DOCK1: variants seen among roughly 807,000 people sequenced by gnomAD.
DOCK1 encodes the protein dedicator of cytokinesis protein 1.
A neutral mutation model predicts 262.7 loss-of-function variants in DOCK1; 138 were observed. The observed-to-expected ratio is 0.53, with a 90% CI of 0.46 to 0.61. DOCK1 has a LOEUF of 0.61. DOCK1 is among the 20% of genes least tolerant of loss of function. The pLI is 0.00. For missense variants in DOCK1, 1,908 were observed against 2,370.7 expected (o/e 0.80, Z 4.05); for synonymous variants, 866 against 867.4 (o/e 1.00, Z 0.03).
intron 22 of DOCK1, among the ~76,000 whole-genome samples, chr10:127,056,809 C>T (rs867705038): frequency 2.0e-5 from 3 of 152,130 alleles, no homozygotes; most frequent in Non-Finnish European, 4.4e-5. Flanking sequence ...AGCACCTAGC[C>T]GCATTGTGCA....
intron 27 of DOCK1, chr10:127,192,674 A>G (rs553434919): frequency 6.6e-5 from 10 of 152,312 alleles, no homozygotes; most frequent in African/African-American, 1.9e-4. Flanking sequence ...GTTTTTCTCA[A>G]TGTGAGAGGT....
Position 126,999,400 on chromosome 10 carries a change from A to G in DOCK1, c.814A>G (p.Ile272Val), listed in dbSNP as rs777117151. The G allele has an allele frequency of 6.2e-7, 1 of 1,613,582 alleles. No individual in the cohort carries two copies. Among genetic ancestry groups the G allele is most frequent in the South Asian group, 1.1e-5 (1 of 90,982 alleles). Residue 272 changes from isoleucine (I) to valine (V), a missense_variant, in exon 9 of 52, where the codon ATA (isoleucine) becomes GTA (valine). By Grantham distance (29) the Ile-to-Val change is conservative (BLOSUM62 3). This residue lies in a region of DOCK1 where 102 missense variants were observed against 154.9 expected (regional missense o/e 0.66). Transcript: ENST00000623213. ...RWSSSGLPKD[I>V]DRLHNLRAVF... Reference sequence around the variant, plus strand: ...GTCCAGTTCAGGATTACCTAAAGACATAGACAGATTACATAATTTGCGAGC... The same window carrying G: ...GTCCAGTTCAGGATTACCTAAAGACGTAGACAGATTACATAATTTGCGAGC...
intron 27 of DOCK1, among the ~76,000 whole-genome samples, chr10:127,203,848 TTAAAG>T (rs2057587717): frequency 6.6e-6 from 1 of 152,184 alleles, no homozygotes. Flanking sequence ...CTAACTAAAG[TTAAAG>T]TAAAAAATCA....
At chr10:127,384,466 G>A (rs1210869683) in intron 37 of DOCK1, among the ~76,000 whole-genome samples, 1 of 152,194 alleles carries the variant, frequency 6.6e-6, no homozygotes, top group Non-Finnish European at 1.5e-5. Context: ...TGCCGCTCTT[G>A]GGATGGCCCT....
chr10:127,058,377 T>G (rs966998090), intron 22 of DOCK1, among the ~76,000 whole-genome samples: 18 of 152,010 alleles, frequency 1.2e-4, no homozygotes, highest in African/African-American at 1.7e-4. Flanking sequence ...ATTTCCATCC[T>G]TTTATTTTCA....
intron 6 of DOCK1, among the ~76,000 whole-genome samples, chr10:126,993,240 C>G (rs140077337): frequency 6.6e-6 from 1 of 152,354 alleles, no homozygotes; most frequent in African/African-American, 2.4e-5. Context: ...GAACCCAATT[C>G]TGCGTGGCCT....
intron 18 of DOCK1, 32 bp from the exon 19 acceptor site, chr10:127,037,687 G>T: frequency 6.5e-7 from 1 of 1,537,494 alleles, no homozygotes; most frequent in Non-Finnish European, 8.8e-7. Context: ...TTTCTTGCTT[G>T]TGAAGATCTG....
intron 16 of DOCK1, among the ~76,000 whole-genome samples, chr10:127,030,093 C>T (rs2043134544): frequency 6.6e-6 from 1 of 152,082 alleles, no homozygotes; most frequent in Non-Finnish European, 1.5e-5. Flanking sequence ...ACCAGGAAGG[C>T]AAAGGTGATA....
At chr10:127,153,966 G>A (rs758335582) in intron 27 of DOCK1, 4 of 1,456,180 alleles carry the variant, frequency 2.7e-6, no homozygotes, top group Non-Finnish European at 3.9e-6. Context: ...GGTGGCTGGG[G>A]GTCACTGGCT....
intron 27 of DOCK1, among the ~76,000 whole-genome samples, chr10:127,241,814 A>G (rs2059274623): frequency 1.3e-5 from 2 of 152,136 alleles, no homozygotes; most frequent in African/African-American, 4.8e-5. Flanking sequence ...TCTGCTTTTC[A>G]GGTACCTCCC....
chr10:127,279,937 T>G (rs919021903), intron 29 of DOCK1, among the ~76,000 whole-genome samples: 4 of 150,864 alleles, frequency 2.7e-5, no homozygotes, highest in Non-Finnish European at 5.9e-5. Context: ...ACCTTAAAAT[T>G]GAGGCAAGTG....
intron 23 of DOCK1, among the ~76,000 whole-genome samples, chr10:127,078,634 A>G (rs568586758): frequency 6.6e-6 from 1 of 152,354 alleles, no homozygotes; most frequent in African/African-American, 2.4e-5. Context: ...TATGAAAAAG[A>G]TACTTGTACA....
At chr10:127,350,306 A>AC (rs1554953669) in intron 31 of DOCK1, among the ~76,000 whole-genome samples, 15,268 of 119,202 alleles carry the variant, frequency 0.13, 844 homozygotes, top group African/African-American at 0.18. Context: ...CTCACGGTGC[A>AC]CCCCTCACCC....
rs2055065978 is a variant in DOCK1, at chr10:127,175,851, T to C, written c.2847+48087T>C. The C allele has an allele frequency of 6.2e-7, 1 of 1,614,154 alleles. No individual in the cohort carries two copies. Among genetic ancestry groups the C allele is most frequent in the East Asian group, 2.2e-5 (1 of 44,856 alleles). On this transcript the variant is annotated intron_variant, in intron 27 of 51. Transcript: ENST00000623213. The surrounding 1 kb of genome is among the most constrained non-coding windows in gnomAD (Gnocchi z 6.3). ...GACCCCCAAAGGCTGGTCCACTGTG[T>C]TCATGTGTTGGTTGGAATGGAAAAC...
chr10:126,981,803 A>G (rs1480809672), intron 3 of DOCK1, 115 bp from the exon 4 acceptor site: 6 of 1,001,350 alleles, frequency 6.0e-6, no homozygotes, highest in Non-Finnish European at 8.7e-6. Context: ...TAAGACTTAA[A>G]AAATTAAGAG....
chr10:127,040,626 C>T lies in DOCK1; in HGVS notation c.2011-1999C>T, dbSNP rs916980627. 2.0e-5 allele frequency among the ~76,000 whole-genome samples: 3 copies of T among 152,194 alleles called. No individual in the cohort carries two copies. In the East Asian group the frequency reaches 5.8e-4, roughly 29 times the overall value. ...CTATAGCAGTTTGAGATCTTCCATG[C>T]CATCCCAAAAGCCCCCTGGGTGTTG... is the stretch of plus-strand genomic sequence containing the variant. On this transcript the variant is annotated intron_variant, in intron 19 of 51. Transcript: ENST00000623213.
rs1013901279 is a variant in DOCK1, at chr10:127,439,081, G to A, written c.5115G>A (p.Lys1705=). 2 of 1,560,994 alleles carry A rather than the reference G, an allele frequency of 1.3e-6. No individual in the cohort carries two copies. The highest frequency in any genetic ancestry group is 2.4e-5 in the South Asian group (2 of 84,520). The part of the protein sequence containing the change: ...PKKMHSRSQD[K]LDKDDLEKEK... ...AAATGCACTCCAGGTCCCAGGACAA[G>A]CTGGACAAGGATGACCTGGAGAAGG... is the stretch of plus-strand genomic sequence containing the variant. The change falls in exon 49 of 52, where the codon AAG becomes AAA. Residue 1705 remains lysine (K), a synonymous_variant. Transcript: ENST00000623213.
chr10:126,926,912 A>G (rs184999603), intron 1 of DOCK1, among the ~76,000 whole-genome samples: 1 of 152,332 alleles, frequency 6.6e-6, no homozygotes, highest in Admixed American at 6.5e-5. Flanking sequence ...AATATCTGTT[A>G]TTAGAAGCCA....
chr10:127,436,324 C>A (rs1314194484), intron 48 of DOCK1, among the ~76,000 whole-genome samples: 1 of 152,040 alleles, frequency 6.6e-6, no homozygotes, highest in South Asian at 2.1e-4. Flanking sequence ...CAAGACCAGC[C>A]TAGGCAACAT....
Sources: allele counts gnomAD v4.1 joint callset (sites outside exome capture counted in the v4.1 genomes callset), GRCh38; gene constraint gnomAD v4.1.1; regional missense constraint gnomAD v4.1.1; non-coding constraint Gnocchi (gnomAD v3.1); transcripts MANE v1.5; gene names NCBI Gene and HGNC (gene_info 2026-07-23, HGNC 2026-07-21).